SRGAP2: variants seen among roughly 807,000 people sequenced by gnomAD.
The protein encoded by SRGAP2 is SLIT-ROBO Rho GTPase-activating protein 2.
Under a neutral mutation model 57.2 loss-of-function variants are expected in SRGAP2, and 15 were observed. That is an observed-to-expected ratio of 0.26 (90% CI 0.18 to 0.40). The LOEUF is 0.40. SRGAP2 is among the 10% of genes least tolerant of loss of function. The pLI, the probability that SRGAP2 is intolerant of heterozygous loss-of-function variation, is 1.00. For synonymous variants in SRGAP2, 249 were observed against 248.0 expected (o/e 1.00, Z -0.04); for missense variants, 520 against 669.6 (o/e 0.78, Z 2.47).
chr1:206,462,123 G>A lies in SRGAP2; in HGVS notation c.*703G>A, dbSNP rs545601260. On this transcript the variant is annotated 3_prime_UTR_variant, in exon 23 of 23. Coordinates refer to ENST00000573034, the MANE Select transcript of SRGAP2 (RefSeq NM_015326.5). ...AAACATAACGGGATGGGACAATCCC[G>A]TAACCTGTTTGGGGTTGGGGGCTTT... The A allele has an allele frequency of 5.9e-5, 9 of 152,520 alleles. No homozygotes were observed. The highest frequency in any genetic ancestry group is 1.2e-4 in the Non-Finnish European group (8 of 68,040). The allele number at this position is 152,520 out of a possible 1,614,324, so 9.4% of individuals were successfully genotyped here. A position where few individuals can be genotyped will look rare whatever the true frequency, so the allele number is the denominator to read the frequency against.
In SRGAP2 at chr1:206,370,224, C is replaced by T. The variant is rs575478805; in HGVS notation, c.424-13790C>T. The stretch of plus-strand genomic sequence containing the variant: ...GAGCTTGCAGTGAGCAGAGATCGCA[C>T]CACTGCACTCCAGCCTGGGCGACAG... On this transcript the variant is annotated intron_variant, in intron 4 of 22. Transcript: ENST00000573034. Among the ~76,000 whole-genome samples the T allele has an allele frequency of 3.9e-5, 6 of 152,184 alleles. No homozygotes were observed. In the East Asian group the frequency reaches 1.2e-3, roughly 29 times the overall value.
chr1:206,429,841 C>T (rs889244174), intron 13 of SRGAP2, among the ~76,000 whole-genome samples: 2 of 152,020 alleles, frequency 1.3e-5, no homozygotes, highest in East Asian at 1.9e-4. Flanking sequence ...TAGAGAGAAG[C>T]GAATGGATTT....
chr1:206,437,484 A>T (rs1326990373), intron 15 of SRGAP2: 2 of 177,666 alleles, frequency 1.1e-5, no homozygotes, highest in Admixed American at 1.1e-4. Context: ...GGTTGGCCCT[A>T]TCATTAAATC....
chr1:206,412,044 GA>G (rs1321574378), intron 10 of SRGAP2, among the ~76,000 whole-genome samples: 1 of 152,178 alleles, frequency 6.6e-6, no homozygotes, highest in Non-Finnish European at 1.5e-5. Flanking sequence ...GAAAAACTAA[GA>G]CTCAGGGGGT....
At chr1:206,324,933 G>A (rs1206196076) in intron 3 of SRGAP2, among the ~76,000 whole-genome samples, 1 of 150,902 alleles carries the variant, frequency 6.6e-6, no homozygotes, top group African/African-American at 2.4e-5. Context: ...CTGTCTTCAA[G>A]AGAAGCCCTT....
chr1:206,205,739 T>C lies in SRGAP2; in HGVS notation c.-232T>C. 1 of 592,770 alleles carries C rather than the reference T, an allele frequency of 1.7e-6. No individual in the cohort carries two copies. 36.7% of individuals were successfully genotyped at this position (592,770 alleles called of 1,614,324 possible). ...AATGCTGAGGCTGCGGCTCCGGCTC[T>C]AGCACAGGCACCAGCCGCCGCCGCA... On this transcript the variant is annotated 5_prime_UTR_variant, in exon 2 of 23. The change abolishes the stop of an existing upstream ORF in the 5' untranslated region. Transcript: ENST00000573034.
intron 3 of SRGAP2, among the ~76,000 whole-genome samples, chr1:206,338,850 A>G (rs1354189551): frequency 7.0e-6 from 1 of 142,018 alleles, no homozygotes; most frequent in Non-Finnish European, 1.5e-5. Flanking sequence ...AATATATGAA[A>G]CAGATCAAAG....
intron 4 of SRGAP2, among the ~76,000 whole-genome samples, chr1:206,358,062 C>A (rs1434024816): frequency 6.6e-6 from 1 of 151,066 alleles, no homozygotes; most frequent in Non-Finnish European, 1.5e-5. Context: ...GGGTTTTTCC[C>A]CCTGCTGCTT....
chr1:206,326,946 T>A (rs1673940349), intron 3 of SRGAP2, among the ~76,000 whole-genome samples: 2 of 152,152 alleles, frequency 1.3e-5, no homozygotes, highest in Admixed American at 6.5e-5. Context: ...GAGGATTGCT[T>A]GAGCCCAGGA....
chr1:206,286,083 A>AT (rs1671006767), intron 2 of SRGAP2, among the ~76,000 whole-genome samples: 2 of 151,206 alleles, frequency 1.3e-5, no homozygotes, highest in South Asian at 2.1e-4. Flanking sequence ...AACCTTGCAA[A>AT]TTTTTATTCT....
At chr1:206,414,001 C>A (rs1479394659) in intron 10 of SRGAP2, among the ~76,000 whole-genome samples, 1 of 151,428 alleles carries the variant, frequency 6.6e-6, no homozygotes, top group African/African-American at 2.4e-5. Flanking sequence ...AAAAGTAACT[C>A]ACATTTGTTC....
chr1:206,230,179 T>C (rs1667543679), intron 2 of SRGAP2, among the ~76,000 whole-genome samples: 2 of 151,976 alleles, frequency 1.3e-5, no homozygotes, highest in Admixed American at 6.6e-5. Context: ...TCTACTGCAT[T>C]GGCATGCTTT....
chr1:206,348,145 G>A (rs1675783541), intron 4 of SRGAP2, among the ~76,000 whole-genome samples: 1 of 147,784 alleles, frequency 6.8e-6, no homozygotes, highest in Admixed American at 6.6e-5. Flanking sequence ...CCATGTTGGA[G>A]ATTCCTTTAG....
Position 206,380,543 on chromosome 1 carries a change from AT to A in SRGAP2, c.424-3465del, listed in dbSNP as rs1332190184. Reference sequence around the variant, plus strand: ...TAAGAGAAAAACTTTGTCCAAAGTAATTTTTTCCCCCAACTTCTATTTGGTT... The same window carrying A: ...TAAGAGAAAAACTTTGTCCAAAGTAATTTTTCCCCCAACTTCTATTTGGTT... On this transcript the variant is annotated intron_variant, in intron 4 of 22. Coordinates refer to ENST00000573034, the MANE Select transcript of SRGAP2 (RefSeq NM_015326.5). Among the ~76,000 whole-genome samples the A allele has an allele frequency of 4.7e-5, 6 of 127,968 alleles. No individual in the cohort carries two copies. The South Asian group carries it at 1.3e-3, about 28-fold the overall frequency. 84.0% of individuals were successfully genotyped at this position (127,968 alleles called of 152,430 possible). A position where few individuals can be genotyped will look rare whatever the true frequency, so the allele number is the denominator to read the frequency against.
intron 14 of SRGAP2, among the ~76,000 whole-genome samples, chr1:206,433,119 A>G (rs1191882146): frequency 6.6e-6 from 1 of 152,224 alleles, no homozygotes; most frequent in African/African-American, 2.4e-5. Flanking sequence ...TACCTTTTAT[A>G]TAAGAGAGAA....
intron 7 of SRGAP2, among the ~76,000 whole-genome samples, chr1:206,396,452 AGTCATAGGCT>A (rs1299162603): frequency 1.4e-5 from 2 of 144,870 alleles, no homozygotes; most frequent in African/African-American, 5.6e-5. Flanking sequence ...CCCTAGAGGT[AGTCATAGGCT>A]GTAAGACAAC....
chr1:206,240,146 A>G (rs1668125673), intron 2 of SRGAP2, among the ~76,000 whole-genome samples: 1 of 151,944 alleles, frequency 6.6e-6, no homozygotes, highest in Admixed American at 6.6e-5. Flanking sequence ...GGCGCCTGTA[A>G]TCCCAGCTAC....
Position 206,419,404 on chromosome 1 carries a change from A to C in SRGAP2, c.1469+4A>C, listed in dbSNP as rs1553363483. On this transcript the variant is annotated splice_donor_region_variant and intron_variant, in intron 12 of 22. Transcript: ENST00000573034. The stretch of plus-strand genomic sequence containing the variant: ...GGACAGATTGCAGTCTAGCCAGGTG[A>C]GTGTGGCCTGGGACAGGCCTGGGAA... 1.3e-6 allele frequency: 1 copy of C among 780,664 alleles called. No individual in the cohort carries two copies. Among genetic ancestry groups the C allele is most frequent in the Non-Finnish European group, 2.4e-6 (1 of 417,902 alleles). 48.4% of individuals were successfully genotyped at this position (780,664 alleles called of 1,614,324 possible).
At chr1:206,327,226 C>G (rs1317274100) in intron 3 of SRGAP2, among the ~76,000 whole-genome samples, 1 of 151,820 alleles carries the variant, frequency 6.6e-6, no homozygotes, top group Non-Finnish European at 1.5e-5. Context: ...ACTCAGGAGG[C>G]TGAGGCAGGA....
Sources: gnomAD v4.1 joint callset for allele counts (sites outside exome capture counted in the v4.1 genomes callset) on GRCh38, gnomAD v4.1.1 for gene constraint, MANE v1.5 for transcripts, NCBI Gene and HGNC (gene_info 2026-07-23, HGNC 2026-07-21) for gene names.